The following MGAT4A variants were observed in gnomAD, a reference collection of about 807,000 sequenced individuals.
MGAT4A encodes N-acetylglucosaminyltransferase IVa.
Under a neutral mutation model 74.1 loss-of-function variants are expected in MGAT4A, and 33 were observed. The ratio of observed to expected loss-of-function variants is 0.45; its 90% CI spans 0.34 to 0.60. The LOEUF is 0.60. Ranked by LOEUF, MGAT4A falls within the 20% of genes least tolerant of loss-of-function variation. MGAT4A has a pLI of 0.02. For missense variants in MGAT4A, 479 were observed against 628.3 expected (o/e 0.76, Z 2.54); for synonymous variants, 198 against 210.4 (o/e 0.94, Z 0.51).
chr2:98,637,342 AAATAAT>A (rs1181546561), intron 12 of MGAT4A, among the ~76,000 whole-genome samples: 2 of 151,416 alleles, frequency 1.3e-5, no homozygotes, highest in East Asian at 1.9e-4. Flanking sequence ...TAATAGTAAT[AAATAAT>A]AATAATAAAA....
At chr2:98,704,773 T>TA (rs879487780) in intron 2 of MGAT4A, among the ~76,000 whole-genome samples, 75 of 145,450 alleles carry the variant, frequency 5.2e-4, no homozygotes, top group African/African-American at 1.1e-3. Flanking sequence ...CTGCCTCAAT[T>TA]AAAAAAAAAA....
At chr2:98,704,420 A>G (rs1250736403) in intron 2 of MGAT4A, among the ~76,000 whole-genome samples, 2 of 152,150 alleles carry the variant, frequency 1.3e-5, no homozygotes, top group Non-Finnish European at 2.9e-5. Flanking sequence ...CCTGGGCAAC[A>G]TAGCATGGCC....
intron 7 of MGAT4A, chr2:98,655,770 A>G (rs1481409125): frequency 3.0e-6 from 1 of 338,028 alleles, no homozygotes; most frequent in African/African-American, 2.1e-5. Context: ...AAATGAGTCT[A>G]ATATCAAGTA....
At chr2:98,706,066 TGATAAAAA>T (rs1702427538) in intron 2 of MGAT4A, among the ~76,000 whole-genome samples, 1 of 152,118 alleles carries the variant, frequency 6.6e-6, no homozygotes, top group Admixed American at 6.5e-5. Context: ...CTGAACCGAT[TGATAAAAA>T]TAGTAACACA....
Position 98,726,352 on chromosome 2 carries a change from G to C in MGAT4A, c.-20C>G. 6 of 1,598,336 alleles carry C rather than the reference G, an allele frequency of 3.8e-6. No homozygotes were observed. The highest frequency in any genetic ancestry group is 5.1e-6 in the Non-Finnish European group (6 of 1,167,168). On this transcript the variant is annotated 5_prime_UTR_variant, in exon 2 of 16. Coordinates refer to ENST00000393487, the MANE Select transcript of MGAT4A (RefSeq NM_012214.3). ...CCTCATCTCATTTCACCATCACACT[G>C]GTCCATATGTTTATGATGACAACAA...
intron 2 of MGAT4A, among the ~76,000 whole-genome samples, chr2:98,696,715 T>C (rs1559171497): frequency 6.6e-6 from 1 of 152,232 alleles, no homozygotes; most frequent in African/African-American, 2.4e-5. Flanking sequence ...TGTTATGTGC[T>C]GCTAATCACT....
intron 1 of MGAT4A, among the ~76,000 whole-genome samples, chr2:98,728,175 T>C (rs1194855057): frequency 1.3e-5 from 2 of 152,248 alleles, no homozygotes; most frequent in Non-Finnish European, 2.9e-5. Flanking sequence ...TCAAAGTGTA[T>C]GTTTATACAA....
At chr2:98,657,967 T>C (rs567830767) in intron 6 of MGAT4A, among the ~76,000 whole-genome samples, 9 of 152,336 alleles carry the variant, frequency 5.9e-5, no homozygotes, top group Admixed American at 5.9e-4. Flanking sequence ...TAAAGACTGT[T>C]ATTTAATAGT....
At chr2:98,711,373 T>A (rs977153835) in intron 2 of MGAT4A, among the ~76,000 whole-genome samples, 1 of 151,646 alleles carries the variant, frequency 6.6e-6, no homozygotes, top group Non-Finnish European at 1.5e-5. Context: ...ATAATCCTGA[T>A]CACATTTGAC....
At chr2:98,668,981 AGT>A (rs1162465467) in intron 4 of MGAT4A, among the ~76,000 whole-genome samples, 1 of 152,228 alleles carries the variant, frequency 6.6e-6, no homozygotes, top group Non-Finnish European at 1.5e-5. Context: ...GTACCTAGGA[AGT>A]AACCAGCTTG....
At chr2:98,711,605 T>C (rs886733763) in intron 2 of MGAT4A, among the ~76,000 whole-genome samples, 4 of 152,058 alleles carry the variant, frequency 2.6e-5, no homozygotes, top group Non-Finnish European at 4.4e-5. Context: ...ATTGAGGTGT[T>C]TGAAGTTCAA....
chr2:98,639,741 AT>A, intron 12 of MGAT4A, 66 bp downstream of exon 12: 1 of 1,419,432 alleles, frequency 7.0e-7, no homozygotes, highest in Non-Finnish European at 9.6e-7. Flanking sequence ...ACAAAAATCT[AT>A]TATAAATCAC....
At chr2:98,656,655 T>C (rs1701666245) in intron 6 of MGAT4A, among the ~76,000 whole-genome samples, 190 bp from the exon 7 acceptor site, 1 of 152,054 alleles carries the variant, frequency 6.6e-6, no homozygotes, top group African/African-American at 2.4e-5. Context: ...TTTTTTCCAA[T>C]AGCAAAAGTT....
intron 2 of MGAT4A, among the ~76,000 whole-genome samples, chr2:98,695,841 T>C (rs957012080): frequency 5.9e-5 from 9 of 152,084 alleles, no homozygotes; most frequent in African/African-American, 1.9e-4. Flanking sequence ...TATGAAAATG[T>C]AGTTAATTAC....
At position 98,625,075 on chromosome 2, in the gene MGAT4A, TCTA is replaced by T; in HGVS notation, c.*488_*490del. The T allele has an allele frequency of 1.0e-6, 1 of 973,198 alleles. No homozygotes were observed. Among genetic ancestry groups the T allele is most frequent in the Non-Finnish European group, 1.2e-6 (1 of 818,606 alleles). The allele number at this position is 973,198 out of a possible 1,614,324, so 60.3% of individuals were successfully genotyped here. A position where few individuals can be genotyped will look rare whatever the true frequency, so the allele number is the denominator to read the frequency against. On this transcript the variant is annotated 3_prime_UTR_variant, in exon 16 of 16. Transcript: ENST00000393487. Reference sequence around the variant, plus strand: ...TTCAAAAAAAGTATCGATTCAAAAATCTACTGCACAAAAATATGTACTTCTTAA... The same window carrying T: ...TTCAAAAAAAGTATCGATTCAAAAATCTGCACAAAAATATGTACTTCTTAA...
Position 98,621,518 on chromosome 2 carries a change from T to C in MGAT4A, c.*4048A>G. On this transcript the variant is annotated 3_prime_UTR_variant, in exon 16 of 16. Transcript: ENST00000393487. ...AGAAAACTCTCTGCTTTTAAAGGAG[T>C]CACAAGATTTGATTAGCCACCCCCA... is the stretch of plus-strand genomic sequence containing the variant. 2 of 1,551,444 alleles carry C rather than the reference T, an allele frequency of 1.3e-6. No homozygotes were observed. The highest frequency in any genetic ancestry group is 1.2e-5 in the South Asian group (1 of 84,026).
chr2:98,681,790 T>TA lies in MGAT4A; in HGVS notation c.95-3320dup, dbSNP rs542343543. ...CAACATGGCGAGACCCCAACTCTAGTAAAAAAAGAGTTTTTTTAAGAACTC... is the reference window on the plus strand; with the variant it reads ...CAACATGGCGAGACCCCAACTCTAGTAAAAAAAAGAGTTTTTTTAAGAACTC... On this transcript the variant is annotated intron_variant, in intron 2 of 15. Coordinates refer to ENST00000393487, the MANE Select transcript of MGAT4A (RefSeq NM_012214.3). 7.2e-4 allele frequency among the ~76,000 whole-genome samples: 109 copies of TA among 152,132 alleles called. 1 individual carries two copies. Among genetic ancestry groups the TA allele is most frequent in the East Asian group, 6.8e-3 (35 of 5,178 alleles).
chr2:98,643,891 A>G (rs780039663), intron 10 of MGAT4A, 32 bp downstream of exon 10: 1 of 1,452,396 alleles, frequency 6.9e-7, no homozygotes, highest in Non-Finnish European at 9.2e-7. Context: ...CAGAAGTGAA[A>G]CTCCCTCCAC....
chr2:98,650,176 G>A (rs894674678), intron 8 of MGAT4A, among the ~76,000 whole-genome samples: 1 of 152,120 alleles, frequency 6.6e-6, no homozygotes, highest in Non-Finnish European at 1.5e-5. Flanking sequence ...GACCTGAGCA[G>A]GCAGAAGAAT....
Sources: allele counts gnomAD v4.1 joint callset (sites outside exome capture counted in the v4.1 genomes callset), GRCh38; gene constraint gnomAD v4.1.1; transcripts MANE v1.5; gene names NCBI Gene and HGNC (gene_info 2026-07-23, HGNC 2026-07-21).